The following JAK1 variants were observed in gnomAD, a reference collection of about 807,000 sequenced individuals.
JAK1 encodes tyrosine-protein kinase JAK1.
Under a neutral mutation model 136.6 loss-of-function variants are expected in JAK1, and 16 were observed. That is an observed-to-expected ratio of 0.12 (90% confidence interval 0.08 to 0.18). The LOEUF (loss-of-function observed/expected upper bound fraction) is 0.18, where lower values mean the gene tolerates loss of function less well. Ranked by LOEUF, JAK1 falls within the 10% of genes least tolerant of loss-of-function variation. The pLI is 1.00. For synonymous variants in JAK1, 492 were observed against 519.5 expected (o/e 0.95, Z 0.72); for missense variants, 859 against 1,450.1 (o/e 0.59, Z 6.62).
At chr1:64,977,009 T>A (rs528963954) in intron 2 of JAK1, among the ~76,000 whole-genome samples, 17 of 152,326 alleles carry the variant, frequency 1.1e-4, no homozygotes, top group African/African-American at 3.6e-4. Context: ...TGATTGTATT[T>A]CTCCCTTTGA....
Position 65,063,848 on chromosome 1 carries a change from A to T in JAK1, c.-181+3756T>A, listed in dbSNP as rs137922365. Among the ~76,000 whole-genome samples, 135 of 152,012 alleles carry T rather than the reference A, an allele frequency of 8.9e-4. No homozygotes were observed. In the East Asian group the frequency reaches 0.022, roughly 24 times the overall value. On this transcript the variant is annotated intron_variant, in intron 1 of 25. Coordinates refer to the JAK1 transcript ENST00000671954. ...AGAAAGAAAAAAAGAAAAGAAATTA[A>T]TTCATAGATGAAAAGGAGTAATGCA...
At chr1:65,024,423 T>C (rs1646960995) in intron 2 of JAK1, among the ~76,000 whole-genome samples, 1 of 152,168 alleles carries the variant, frequency 6.6e-6, no homozygotes, top group Non-Finnish European at 1.5e-5. Context: ...TGTCTATTCA[T>C]AACATTTGCT....
Position 64,834,474 on chromosome 1 carries a change from T to C in JAK1, c.*88A>G, listed in dbSNP as rs183150094. Reference sequence around the variant, plus strand: ...TTTTTGGACAGAACACAAACTTCTTTCATTAGAAATTTTTAAAAAATGACT... The same window carrying C: ...TTTTTGGACAGAACACAAACTTCTTCCATTAGAAATTTTTAAAAAATGACT... On this transcript the variant is annotated 3_prime_UTR_variant, in exon 25 of 25. Coordinates refer to ENST00000342505, the MANE Select transcript of JAK1 (RefSeq NM_002227.4). 17 of 880,318 alleles carry C rather than the reference T, an allele frequency of 1.9e-5. No individual in the cohort carries two copies. The highest frequency in any genetic ancestry group is 6.4e-5 in the Admixed American group (3 of 47,160). The allele number at this position is 880,318 out of a possible 1,614,324, so 54.5% of individuals were successfully genotyped here.
Position 64,867,186 on chromosome 1 carries a change from T to C in JAK1, c.670A>G (p.Thr224Ala). The C allele has an allele frequency of 1.2e-6, 2 of 1,601,702 alleles. No homozygotes were observed. Among genetic ancestry groups the C allele is most frequent in the Non-Finnish European group, 1.7e-6 (2 of 1,170,892 alleles). The stretch of plus-strand genomic sequence containing the variant: ...CTCTGTCTGATGGACTTATTCAATG[T>C]TTCTGGAATATATCGCTTGTAGCTA... ...DISYKRYIPETLNKSIRQRNL... is the reference protein window; with the variant it reads ...DISYKRYIPEALNKSIRQRNL... The change falls in exon 7 of 25, where the codon ACA becomes GCA. Residue 224 changes from threonine (T) to alanine (A), a missense_variant. By Grantham distance (58) the Thr-to-Ala change is moderately conservative. Coordinates refer to ENST00000342505, the MANE Select transcript of JAK1 (RefSeq NM_002227.4).
At chr1:64,959,337 G>A (rs1233480784) in intron 1 of JAK1, among the ~76,000 whole-genome samples, 11 of 152,142 alleles carry the variant, frequency 7.2e-5, no homozygotes, top group Non-Finnish European at 1.2e-4. Context: ...CTTGCTTTAG[G>A]AAAGCAAAAT....
At chr1:64,923,890 T>C (rs1157936451) in intron 1 of JAK1, among the ~76,000 whole-genome samples, 1 of 152,050 alleles carries the variant, frequency 6.6e-6, no homozygotes, top group East Asian at 1.9e-4. Context: ...TTTACTACCC[T>C]GAAATGAAAA....
intron 1 of JAK1, among the ~76,000 whole-genome samples, chr1:64,913,633 G>GGGAGAA (rs1557686255): frequency 3.7e-5 from 3 of 80,082 alleles, no homozygotes; most frequent in African/African-American, 1.6e-4. Context: ...GGGAGGGAGG[G>GGGAGAA]AGGAAGGGAG....
At position 64,836,141 on chromosome 1, in the gene JAK1, T is replaced by C. The variant is rs1312589671; in HGVS notation, c.3215A>G (p.His1072Arg). Reference sequence around the variant, plus strand: ...TGAATCACAGTAAGTCAGCAGCTCATGCAGAGTGACTCCAAAAGACCAGAC... The same window carrying C: ...TGAATCACAGTAAGTCAGCAGCTCACGCAGAGTGACTCCAAAAGACCAGAC... Reference protein sequence around the residue: ...SDVWSFGVTLHELLTYCDSDS... With the variant: ...SDVWSFGVTLRELLTYCDSDS... Residue 1072 changes from histidine (H) to arginine (R), a missense_variant, in exon 23 of 25, where the codon CAT becomes CGT. Physicochemically the swap from His to Arg is conservative, Grantham distance 29. This residue lies in a region of JAK1 where 44 missense variants were observed against 137.6 expected (regional missense o/e 0.32). Coordinates refer to ENST00000342505, the MANE Select transcript of JAK1 (RefSeq NM_002227.4). 1 of 1,612,888 alleles carries C rather than the reference T, an allele frequency of 6.2e-7. No individual in the cohort carries two copies. The highest frequency in any genetic ancestry group is 1.3e-5 in the African/African-American group (1 of 74,892).
chr1:64,909,615 G>A (rs1358715172), intron 1 of JAK1, among the ~76,000 whole-genome samples: 1 of 149,384 alleles, frequency 6.7e-6, no homozygotes, highest in East Asian at 2.0e-4. Context: ...GAGGCCAGGA[G>A]TTCAAGACCA....
Position 64,956,886 on chromosome 1 carries a change from C to T in JAK1, c.-78+9447G>A, listed in dbSNP as rs375567725. Among the ~76,000 whole-genome samples, 14 of 152,162 alleles carry T rather than the reference C, an allele frequency of 9.2e-5. No homozygotes were observed. In the South Asian group the frequency reaches 2.1e-3, roughly 23 times the overall value. On this transcript the variant is annotated intron_variant, in intron 1 of 24. Transcript: ENST00000342505. ...GAGGAGGAGAAGTGAGAGAAAGAGA[C>T]GATACTCAAAAAGAGAACAGAGACA...
At chr1:64,905,924 C>A (rs778543569) in intron 1 of JAK1, among the ~76,000 whole-genome samples, 1 of 152,140 alleles carries the variant, frequency 6.6e-6, no homozygotes, top group Non-Finnish European at 1.5e-5. Context: ...AGGACTCAGG[C>A]CTCAATCTTC....
chr1:64,990,729 C>G (rs1174693050), intron 2 of JAK1: 1 of 151,882 alleles, frequency 6.6e-6, no homozygotes, highest in Non-Finnish European at 1.5e-5. Flanking sequence ...CGAAATCAGC[C>G]TGGGCAACAT....
intron 1 of JAK1, among the ~76,000 whole-genome samples, chr1:64,913,774 T>C (rs555513648): frequency 1.3e-5 from 2 of 151,816 alleles, no homozygotes; most frequent in East Asian, 3.9e-4. Flanking sequence ...AATAATCTTC[T>C]AACTCCATAT....
At chr1:65,039,642 C>T (rs1462186556) in intron 2 of JAK1, among the ~76,000 whole-genome samples, 2 of 152,138 alleles carry the variant, frequency 1.3e-5, no homozygotes, top group Non-Finnish European at 2.9e-5. Context: ...TTTGGGGACA[C>T]TAAAGGCAAC....
At chr1:65,016,852 C>T (rs1019367082) in intron 2 of JAK1, among the ~76,000 whole-genome samples, 2 of 151,220 alleles carry the variant, frequency 1.3e-5, no homozygotes, top group Admixed American at 6.6e-5. Flanking sequence ...GAGCCGAGAT[C>T]GCGCCACTGC....
At position 64,854,843 on chromosome 1, in the gene JAK1, G is replaced by T. The variant is rs556639726; in HGVS notation, c.1648+666C>A. 1.1e-4 allele frequency among the ~76,000 whole-genome samples: 16 copies of T among 151,884 alleles called. 1 individual carries two copies. The East Asian group carries it at 3.1e-3, about 29-fold the overall frequency. Reference sequence around the variant, plus strand: ...TCCTTCCACCTTCACCTTCATGGCAGCCCCCGCCCATGCCTCTGTTTGCAC... The same window carrying T: ...TCCTTCCACCTTCACCTTCATGGCATCCCCCGCCCATGCCTCTGTTTGCAC... On this transcript the variant is annotated intron_variant, in intron 11 of 24. Transcript: ENST00000342505.
intron 1 of JAK1, among the ~76,000 whole-genome samples, chr1:65,059,024 CTA>C (rs1286739818): frequency 6.6e-6 from 1 of 151,918 alleles, no homozygotes; most frequent in South Asian, 2.1e-4. Context: ...CAAAACTGCT[CTA>C]TATGTTTTCT....
chr1:64,875,847 C>G (rs912341717), intron 4 of JAK1: 4 of 152,202 alleles, frequency 2.6e-5, no homozygotes, highest in African/African-American at 9.7e-5. Context: ...ATGCTGTACC[C>G]AGGCCTGGCA....
At chr1:64,981,112 G>A (rs755057554) in intron 2 of JAK1, among the ~76,000 whole-genome samples, 12 of 152,098 alleles carry the variant, frequency 7.9e-5, no homozygotes, top group African/African-American at 2.9e-4. Context: ...AAACAATGGC[G>A]ATATTGTCTC....
Sources: gnomAD v4.1 joint callset for allele counts (sites outside exome capture counted in the v4.1 genomes callset) on GRCh38, gnomAD v4.1.1 for gene constraint, gnomAD v4.1.1 regional missense constraint, MANE v1.5 for transcripts, NCBI Gene and HGNC (gene_info 2026-07-23, HGNC 2026-07-21) for gene names.